The following ICA1 variants were observed in gnomAD, a reference collection of about 807,000 sequenced individuals.
ICA1 encodes the protein 69 kDa islet cell autoantigen.
In ICA1, 40 loss-of-function variants were observed where a neutral mutation model predicts 71.0. The observed-to-expected ratio is 0.56, with a 90% CI of 0.44 to 0.73. The LOEUF is 0.73. Ranked by LOEUF, ICA1 falls within the 30% of genes least tolerant of loss-of-function variation. The pLI is 0.00. For missense variants in ICA1, 578 were observed against 576.5 expected (o/e 1.00, Z -0.03); for synonymous variants, 207 against 209.5 (o/e 0.99, Z 0.10).
At chr7:8,137,451 C>G (rs980820213) in intron 12 of ICA1, among the ~76,000 whole-genome samples, 2 of 152,106 alleles carry the variant, frequency 1.3e-5, no homozygotes, top group African/African-American at 2.4e-5. Flanking sequence ...TAGGTTTGTT[C>G]TATTATTGTC....
intron 1 of ICA1, among the ~76,000 whole-genome samples, chr7:8,240,731 G>A (rs1803507534): frequency 6.6e-6 from 1 of 152,246 alleles, no homozygotes; most frequent in South Asian, 2.1e-4. Flanking sequence ...ACCTGATGGA[G>A]CTGAAAACCA....
At chr7:8,189,889 T>TTTCTAAGTTGGGA (rs1392490287) in intron 6 of ICA1, among the ~76,000 whole-genome samples, 3 of 152,204 alleles carry the variant, frequency 2.0e-5, no homozygotes, top group African/African-American at 7.2e-5. Flanking sequence ...GAACTGTCTG[T>TTTCTAAGTTGGGA]ACTTAGAAAG....
At chr7:8,214,538 C>A (rs1278160577) in intron 6 of ICA1, among the ~76,000 whole-genome samples, 1 of 152,230 alleles carries the variant, frequency 6.6e-6, no homozygotes, top group East Asian at 1.9e-4. Context: ...TGCAGCCACA[C>A]TCTCCAGGTA....
chr7:8,240,979 G>A (rs895113324), intron 1 of ICA1, among the ~76,000 whole-genome samples: 28 of 152,192 alleles, frequency 1.8e-4, no homozygotes, highest in Admixed American at 6.5e-5. Context: ...GAACCAAGCT[G>A]GAAAACAGTC....
intron 8 of ICA1, among the ~76,000 whole-genome samples, chr7:8,150,289 C>T (rs529052745): frequency 6.6e-6 from 1 of 152,280 alleles, no homozygotes; most frequent in East Asian, 1.9e-4. Context: ...TGAGGATGAA[C>T]TGAGAGGGTG....
At chr7:8,238,185 T>C (rs778739043) in intron 1 of ICA1, among the ~76,000 whole-genome samples, 12 of 152,212 alleles carry the variant, frequency 7.9e-5, no homozygotes, top group Non-Finnish European at 1.8e-4. Flanking sequence ...TGCTGGATTA[T>C]ACAGTTCTCT....
At chr7:8,150,954 G>A (rs935275403) in intron 8 of ICA1, among the ~76,000 whole-genome samples, 1 of 152,216 alleles carries the variant, frequency 6.6e-6, no homozygotes. Flanking sequence ...CCAGGCAAAC[G>A]ACTAGACCTT....
At chr7:8,151,964 T>TC (rs1798952465) in intron 8 of ICA1, among the ~76,000 whole-genome samples, 1 of 152,188 alleles carries the variant, frequency 6.6e-6, no homozygotes, top group African/African-American at 2.4e-5. Context: ...AGCGTTAAAA[T>TC]CTTGGCACAG....
intron 1 of ICA1, among the ~76,000 whole-genome samples, chr7:8,238,983 A>T (rs1369460684): frequency 3.3e-5 from 5 of 152,236 alleles, no homozygotes; most frequent in Non-Finnish European, 7.3e-5. Flanking sequence ...TATGAGAACC[A>T]CAGCTAAATG....
At chr7:8,187,897 G>T (rs1784388026) in intron 6 of ICA1, among the ~76,000 whole-genome samples, 1 of 152,176 alleles carries the variant, frequency 6.6e-6, no homozygotes, top group Non-Finnish European at 1.5e-5. Flanking sequence ...ATCATAAAAT[G>T]TCATTATATG....
chr7:8,169,184 A>G (rs1424433317), intron 6 of ICA1, among the ~76,000 whole-genome samples: 1 of 152,090 alleles, frequency 6.6e-6, no homozygotes, highest in Non-Finnish European at 1.5e-5. Context: ...GTGTTGTTGC[A>G]TGTATTAGTA....
At chr7:8,135,113 G>A (rs1023776623) in intron 12 of ICA1, among the ~76,000 whole-genome samples, 1 of 151,886 alleles carries the variant, frequency 6.6e-6, no homozygotes, top group African/African-American at 2.4e-5. Context: ...TGCAACCTCC[G>A]CCTCCCGGGT....
intron 6 of ICA1, among the ~76,000 whole-genome samples, chr7:8,194,441 A>G (rs1786728610): frequency 1.3e-5 from 2 of 152,318 alleles, no homozygotes; most frequent in South Asian, 4.1e-4. Flanking sequence ...ATTAAATACA[A>G]CTTACTTATT....
At chr7:8,153,857 A>ATG (rs1322470683) in intron 8 of ICA1, among the ~76,000 whole-genome samples, 2 of 149,552 alleles carry the variant, frequency 1.3e-5, no homozygotes, top group Non-Finnish European at 3.0e-5. Flanking sequence ...ATATATATAT[A>ATG]TGTAGTAACA....
At chr7:8,154,328 T>C (rs1413793707) in intron 8 of ICA1, among the ~76,000 whole-genome samples, 2 of 152,224 alleles carry the variant, frequency 1.3e-5, no homozygotes, top group African/African-American at 4.8e-5. Flanking sequence ...GAGTTATATC[T>C]CTGTAATTCT....
chr7:8,195,469 G>T lies in ICA1; in HGVS notation c.579+22836C>A, dbSNP rs184609704. ...GAGGCAGGAGAATCCTTGAACCCGG[G>T]AGGCAGAGGTTGTAGTGAGCCAAGA... On this transcript the variant is annotated intron_variant, in intron 6 of 13. Transcript: ENST00000402384. 6.3e-3 allele frequency among the ~76,000 whole-genome samples: 951 copies of T among 152,120 alleles called. 13 individuals are homozygous for T. Among genetic ancestry groups the T allele is most frequent in the African/African-American group, 0.022 (919 of 41,488 alleles).
chr7:8,154,181 C>G (rs1346148535), intron 8 of ICA1, among the ~76,000 whole-genome samples: 1 of 152,072 alleles, frequency 6.6e-6, no homozygotes, highest in African/African-American at 2.4e-5. Flanking sequence ...AATATCACAA[C>G]AGTCACTTGG....
chr7:8,191,431 T>C (rs1328172735), intron 6 of ICA1, among the ~76,000 whole-genome samples: 1 of 152,190 alleles, frequency 6.6e-6, no homozygotes, highest in African/African-American at 2.4e-5. Flanking sequence ...TGTTTTTCAT[T>C]GTCAGTACAG....
chr7:8,119,782 G>C (rs921559838), intron 13 of ICA1, among the ~76,000 whole-genome samples: 18 of 152,312 alleles, frequency 1.2e-4, no homozygotes, highest in Middle Eastern at 3.4e-3. Flanking sequence ...GGAGGCGGAG[G>C]TTGCAGTGAG....
Sources: allele counts gnomAD v4.1 joint callset (sites outside exome capture counted in the v4.1 genomes callset), GRCh38; gene constraint gnomAD v4.1.1; transcripts MANE v1.5; gene names NCBI Gene and HGNC (gene_info 2026-07-23, HGNC 2026-07-21).